Variants in SLC22A23 observed in about 807,000 individuals in gnomAD.
SLC22A23 encodes the protein ion transporter protein.
Under a neutral mutation model 61.0 loss-of-function variants are expected in SLC22A23, and 26 were observed. That is an observed-to-expected ratio of 0.43 (90% CI 0.31 to 0.59). SLC22A23 has a LOEUF of 0.59. Among genes scored for constraint, SLC22A23 ranks in the 20% least tolerant of loss-of-function variants. The pLI, the probability that SLC22A23 is intolerant of heterozygous loss-of-function variation, is 0.11. For synonymous variants in SLC22A23, 430 were observed against 413.9 expected (o/e 1.04, Z -0.47); for missense variants, 796 against 934.7 (o/e 0.85, Z 1.94).
Position 3,273,284 on chromosome 6 carries a change from C to G in SLC22A23, c.1832G>C (p.Cys611Ser). 6.2e-7 allele frequency: 1 copy of G among 1,613,940 alleles called. No homozygotes were observed. Among genetic ancestry groups the G allele is most frequent in the South Asian group, 1.1e-5 (1 of 91,068 alleles). ...HIIFACCTLI[C>S]IICILLLPES... ...GGGCAGCAGGAGGATGCAGATGATGCAGATGAGCGTGCAGCAGGCAAAGAT... is the reference window on the plus strand; with the variant it reads ...GGGCAGCAGGAGGATGCAGATGATGGAGATGAGCGTGCAGCAGGCAAAGAT... The change falls in exon 10 of 10, where the codon TGC becomes TCC. Residue 611 changes from cysteine (C) to serine (S), a missense_variant. Coordinates refer to ENST00000406686, the MANE Select transcript of SLC22A23 (RefSeq NM_015482.2).
intron 3 of SLC22A23, among the ~76,000 whole-genome samples, chr6:3,376,043 T>A (rs970369328): frequency 6.6e-6 from 1 of 152,350 alleles, no homozygotes; most frequent in East Asian, 1.9e-4. Flanking sequence ...TTTATGGCCA[T>A]ATACATTTCT....
chr6:3,302,760 T>TAATTTCTA (rs1761704238), intron 4 of SLC22A23: 1 of 152,256 alleles, frequency 6.6e-6, no homozygotes, highest in African/African-American at 2.4e-5. Flanking sequence ...TCTTGTTATC[T>TAATTTCTA]GATTTCTAGT....
chr6:3,391,879 C>T (rs141887602), intron 3 of SLC22A23, among the ~76,000 whole-genome samples: 122 of 151,858 alleles, frequency 8.0e-4, no homozygotes, highest in South Asian at 4.8e-3. Context: ...TGGAGGGGAG[C>T]ATTTCAGGCA....
intron 3 of SLC22A23, among the ~76,000 whole-genome samples, chr6:3,381,774 C>T (rs578251196): frequency 5.3e-5 from 8 of 152,118 alleles, no homozygotes; most frequent in Non-Finnish European, 1.0e-4. Flanking sequence ...CAGTAAAGTC[C>T]CTAGTTCCTT....
chr6:3,455,798 C>CACA, intron 1 of SLC22A23, 108 bp downstream of exon 1: 1 of 1,336,728 alleles, frequency 7.5e-7, no homozygotes, highest in Non-Finnish European at 9.9e-7. Context: ...ATGCCCTACA[C>CACA]ACACTCTAGC....
intron 1 of SLC22A23, among the ~76,000 whole-genome samples, chr6:3,440,114 G>T (rs1033582479): frequency 2.0e-5 from 3 of 152,160 alleles, no homozygotes; most frequent in African/African-American, 7.2e-5. Context: ...AAAAGGCACA[G>T]ATAAGATCAG....
chr6:3,445,404 T>C lies in SLC22A23; in HGVS notation c.654+10502A>G, dbSNP rs139324150. Among the ~76,000 whole-genome samples the C allele has an allele frequency of 4.0e-3, 603 of 152,304 alleles. 2 individuals carry two copies. Among genetic ancestry groups the C allele is most frequent in the African/African-American group, 0.014 (578 of 41,560 alleles). ...AGTAGAGACCAGGGTTTCACCATGT[T>C]GGCCAGCTGGTCTCAAAACTCCTGA... On this transcript the variant is annotated intron_variant, in intron 1 of 9. Coordinates refer to ENST00000406686, the MANE Select transcript of SLC22A23 (RefSeq NM_015482.2).
chr6:3,453,109 T>A (rs561862187), intron 1 of SLC22A23, among the ~76,000 whole-genome samples: 15 of 152,322 alleles, frequency 9.8e-5, no homozygotes, highest in South Asian at 6.2e-4. Flanking sequence ...GGATTCTGGG[T>A]ACCATGCTTA....
intron 3 of SLC22A23, among the ~76,000 whole-genome samples, chr6:3,356,644 A>G (rs1025033778): frequency 6.6e-6 from 1 of 152,064 alleles, no homozygotes; most frequent in Non-Finnish European, 1.5e-5. Flanking sequence ...CCTAAGCCTG[A>G]AGCTTTGTTG....
At chr6:3,395,353 G>A (rs1240475698) in intron 3 of SLC22A23, among the ~76,000 whole-genome samples, 2 of 152,160 alleles carry the variant, frequency 1.3e-5, no homozygotes, top group African/African-American at 4.8e-5. Flanking sequence ...TCTCACATGC[G>A]TACGGCAAAC....
chr6:3,284,102 TTCCC>T, intron 8 of SLC22A23, 127 bp from the exon 9 acceptor site: 1 of 936,392 alleles, frequency 1.1e-6, no homozygotes, highest in Non-Finnish European at 1.6e-6. Context: ...GGGTATGCAA[TTCCC>T]TCTGGGGACC....
chr6:3,314,018 G>A (rs2127385564), intron 4 of SLC22A23, among the ~76,000 whole-genome samples: 1 of 152,276 alleles, frequency 6.6e-6, no homozygotes, highest in Non-Finnish European at 1.5e-5. Flanking sequence ...AATAAGAGCA[G>A]AACTCTGTCT....
chr6:3,353,754 G>A (rs1764912799), intron 3 of SLC22A23, among the ~76,000 whole-genome samples: 1 of 152,076 alleles, frequency 6.6e-6, no homozygotes. Context: ...TGGCTTCCAG[G>A]GCTGCTGTTC....
At chr6:3,448,160 CCCGAAGTGCTGGGATTA>C (rs1275799929) in intron 1 of SLC22A23, among the ~76,000 whole-genome samples, 1 of 152,134 alleles carries the variant, frequency 6.6e-6, no homozygotes, top group East Asian at 1.9e-4. Context: ...CCCTCGGCCT[CCCGAAGTGCTGGGATTA>C]CAGGCGTGAG....
At chr6:3,280,656 C>T (rs1363614607) in intron 9 of SLC22A23, among the ~76,000 whole-genome samples, 4 of 151,880 alleles carry the variant, frequency 2.6e-5, no homozygotes, top group African/African-American at 4.8e-5. Flanking sequence ...CCACCACGCC[C>T]GGCTAATTTT....
chr6:3,295,867 AT>A (rs1488776867), intron 5 of SLC22A23, among the ~76,000 whole-genome samples: 1 of 152,176 alleles, frequency 6.6e-6, no homozygotes, highest in Non-Finnish European at 1.5e-5. Flanking sequence ...TGAAGCCTCT[AT>A]CCTCTTTGTT....
intron 6 of SLC22A23, among the ~76,000 whole-genome samples, chr6:3,287,778 G>A (rs890063376): frequency 2.6e-5 from 4 of 151,376 alleles, no homozygotes; most frequent in African/African-American, 4.8e-5. Context: ...CCCCCTCCCT[G>A]GTTCAAGTGA....
At chr6:3,350,795 G>C (rs543779724) in intron 3 of SLC22A23, among the ~76,000 whole-genome samples, 1 of 152,204 alleles carries the variant, frequency 6.6e-6, no homozygotes, top group East Asian at 1.9e-4. Context: ...AAGGGAGACG[G>C]AGTTATTTTC....
chr6:3,373,126 T>C (rs142928622), intron 3 of SLC22A23, among the ~76,000 whole-genome samples: 95 of 152,344 alleles, frequency 6.2e-4, no homozygotes, highest in African/African-American at 2.2e-3. Context: ...AGTGCTTTCC[T>C]TCTGGGAGTC....
Sources: gnomAD v4.1 joint callset for allele counts (sites outside exome capture counted in the v4.1 genomes callset) on GRCh38, gnomAD v4.1.1 for gene constraint, MANE v1.5 for transcripts, NCBI Gene and HGNC (gene_info 2026-07-23, HGNC 2026-07-21) for gene names.